C11orf42: variants seen among roughly 807,000 people sequenced by gnomAD.
C11orf42 encodes the protein chromosome 11 open reading frame 42.
A neutral mutation model predicts 27.9 loss-of-function variants in C11orf42; 24 were observed. That is an observed-to-expected ratio of 0.86 (90% confidence interval 0.62 to 1.21). The LOEUF is 1.21. Ranked by LOEUF, C11orf42 falls within the 50% of genes most tolerant of loss-of-function variation. The pLI is 0.00. For synonymous variants in C11orf42, 187 were observed against 180.8 expected, an observed-to-expected ratio of 1.03 and a Z score of -0.28; for missense variants, 455 against 424.1, an observed-to-expected ratio of 1.07 and a Z score of -0.64.
At chr11:6,209,381 GCCC>G (rs955092230) in intron 1 of C11orf42, among the ~76,000 whole-genome samples, 3 of 151,816 alleles carry the variant, frequency 2.0e-5, no homozygotes, top group African/African-American at 7.3e-5. Flanking sequence ...TCCTAAATGT[GCCC>G]CCCTTGATTT....
intron 1 of C11orf42, among the ~76,000 whole-genome samples, chr11:6,207,850 T>C (rs1044039004): frequency 6.6e-6 from 1 of 152,134 alleles, no homozygotes; most frequent in Non-Finnish European, 1.5e-5. Flanking sequence ...AAAAAGCAGA[T>C]CAGCCTTAAG....
Position 6,205,607 on chromosome 11 carries a change from T to C in C11orf42, c.-9T>C. On this transcript the variant is annotated 5_prime_UTR_variant, in exon 1 of 3. Transcript: ENST00000316375. ...CCACTGCCCTGCCCAATCCCTCCCA[T>C]ACCCCACCATGTTGGTGGGTACCCC... 1 of 1,612,078 alleles carries C rather than the reference T, an allele frequency of 6.2e-7. No individual in the cohort carries two copies. The highest frequency in any genetic ancestry group is 8.5e-7 in the Non-Finnish European group (1 of 1,178,462).
In C11orf42 at chr11:6,210,630, G is replaced by A; in HGVS notation, c.853G>A (p.Gly285Arg). The A allele has an allele frequency of 6.2e-7, 1 of 1,614,050 alleles. No homozygotes were observed. Among genetic ancestry groups the A allele is most frequent in the East Asian group, 2.2e-5 (1 of 44,872 alleles). ...CAAGGGCCGAAACCCCTTCTGGAGG[G>A]GGCCCCAGATACTGTCAGGTACTAC... ...SYKGRNPFWR[G>R]PQILSENWLF... The change falls in exon 2 of 3, where the codon GGG becomes AGG. Residue 285 changes from glycine to arginine, a missense_variant. Gly to Arg is a moderately radical substitution (Grantham distance 125, BLOSUM62 -2). Coordinates refer to ENST00000316375, the MANE Select transcript of C11orf42 (RefSeq NM_173525.3). This position sits in a 1 kb window ranked among gnomAD's most constrained non-coding sequence, Gnocchi z 4.0.
intron 1 of C11orf42, 58 bp from the exon 2 acceptor site, chr11:6,209,792 T>C: frequency 6.7e-7 from 1 of 1,497,490 alleles, no homozygotes; most frequent in South Asian, 1.3e-5. Context: ...CAATTTAAAG[T>C]AGGCAACCAG....
Position 6,210,697 on chromosome 11 carries a change from A to AG in C11orf42, c.871+51dup. ...GAGATGGATGGGAGGGACAAAGTGA[A>AG]GGAGGGAGAAGGCATGAGAATTAAG... On this transcript the variant is annotated intron_variant, in intron 2 of 2. Transcript: ENST00000316375. The surrounding 1 kb of genome is among the most constrained non-coding windows in gnomAD (Gnocchi z 4.0). The AG allele has an allele frequency of 2.5e-6, 4 of 1,571,772 alleles. No homozygotes were observed. The highest frequency in any genetic ancestry group is 3.5e-6 in the Non-Finnish European group (4 of 1,149,688).
At position 6,209,894 on chromosome 11, in the gene C11orf42, C is replaced by T. The variant is rs749194771; in HGVS notation, c.117C>T (p.Phe39=). Residue 39 remains phenylalanine (F), a synonymous_variant, in exon 2 of 3, where the codon TTC becomes TTT. Transcript: ENST00000316375. ...GGCCCAATGCAGTAGCAGTACCTTT[C>T]CTGTCAGATGCAGCCTGCTATGACC... ...HFGPNAVAVP[F]LSDAACYDLL... 12 of 1,599,746 alleles carry T rather than the reference C, an allele frequency of 7.5e-6. No individual in the cohort carries two copies. The highest frequency in any genetic ancestry group is 1.7e-4 in the Middle Eastern group (1 of 6,032).
Position 6,211,095 on chromosome 11 carries a change from A to G in C11orf42, c.*53A>G, listed in dbSNP as rs1847061039. The G allele has an allele frequency of 2.5e-6, 4 of 1,592,886 alleles. No homozygotes were observed. In the East Asian group the frequency reaches 9.0e-5, roughly 36 times the overall value. ...AGCCCCCAAGATCTGGCATAGGGGT[A>G]CTGGTCTCTAATAAACATCAGCTGC... On this transcript the variant is annotated 3_prime_UTR_variant, in exon 3 of 3. Transcript: ENST00000316375.
At chr11:6,206,305 GA>G (rs1364861800) in intron 1 of C11orf42, among the ~76,000 whole-genome samples, 1 of 152,140 alleles carries the variant, frequency 6.6e-6, no homozygotes, top group East Asian at 1.9e-4. Flanking sequence ...AACTTTATCT[GA>G]AACTCTTTCA....
rs1847050671 is a variant in C11orf42 at position 6,210,840 on chromosome 11, G to A, written c.872-72G>A. On this transcript the variant is annotated intron_variant, in intron 2 of 2. Coordinates refer to ENST00000316375, the MANE Select transcript of C11orf42 (RefSeq NM_173525.3). The surrounding 1 kb of genome is among the most constrained non-coding windows in gnomAD (Gnocchi z 4.0). ...GGAAGGGGATTGGGATGGCACAGAG[G>A]ACCAGAGGGAAAAGCTAGGGGGGGA... The A allele has an allele frequency of 2.0e-6, 3 of 1,493,002 alleles. No individual in the cohort carries two copies. The highest frequency in any genetic ancestry group is 1.8e-6 in the Non-Finnish European group (2 of 1,119,184). 92.5% of individuals were successfully genotyped at this position (1,493,002 alleles called of 1,614,324 possible).
chr11:6,208,470 T>A (rs1418722963), intron 1 of C11orf42, among the ~76,000 whole-genome samples: 1 of 152,188 alleles, frequency 6.6e-6, no homozygotes, highest in Non-Finnish European at 1.5e-5. Flanking sequence ...TTCTTGAGAC[T>A]CTGTGGAGTG....
Position 6,210,993 on chromosome 11 carries a change from C to T in C11orf42, c.953C>T (p.Ser318Phe), listed in dbSNP as rs1590597868. Reference sequence around the variant, plus strand: ...AGGGACCCCGACGGGCACTCCATGTCCCTGCCCCTGCTGCAGGGTCTATCC... The same window carrying T: ...AGGGACCCCGACGGGCACTCCATGTTCCTGCCCCTGCTGCAGGGTCTATCC... ...GPRDPDGHSM[S>F]LPLLQGLSSE... Residue 318 changes from serine to phenylalanine, a missense_variant, in exon 3 of 3, where the codon TCC (serine) becomes TTC (phenylalanine). By Grantham distance (155) the Ser-to-Phe change is radical. Transcript: ENST00000316375. The surrounding 1 kb of genome is among the most constrained non-coding windows in gnomAD (Gnocchi z 4.0). 1 of 1,609,346 alleles carries T rather than the reference C, an allele frequency of 6.2e-7. No homozygotes were observed. The highest frequency in any genetic ancestry group is 1.1e-5 in the South Asian group (1 of 90,522).
At chr11:6,207,034 T>C (rs898862166) in intron 1 of C11orf42, among the ~76,000 whole-genome samples, 5 of 152,132 alleles carry the variant, frequency 3.3e-5, no homozygotes, top group Admixed American at 3.3e-4. Context: ...CATTCAGAAT[T>C]TGAAGCAACC....
intron 1 of C11orf42, among the ~76,000 whole-genome samples, chr11:6,208,935 G>T (rs1847009417): frequency 6.6e-6 from 1 of 152,028 alleles, no homozygotes; most frequent in African/African-American, 2.4e-5. Flanking sequence ...AACACTTTGG[G>T]AGGCTGAGGC....
intron 1 of C11orf42, among the ~76,000 whole-genome samples, chr11:6,209,507 C>T (rs1383243681): frequency 6.6e-6 from 1 of 152,194 alleles, no homozygotes; most frequent in Non-Finnish European, 1.5e-5. Context: ...GATCCTCTTT[C>T]CATGAAAGGT....
At position 6,210,167 on chromosome 11, in the gene C11orf42, G is replaced by A. The variant is rs765334023; in HGVS notation, c.390G>A (p.Leu130=). Residue 130 remains leucine (L), a synonymous_variant, in exon 2 of 3, where the codon CTG becomes CTA. Transcript: ENST00000316375. This position sits in a 1 kb window ranked among gnomAD's most constrained non-coding sequence, Gnocchi z 4.0. ...AGATCCGCCTACATATGGGTGACCT[G>A]CGCAAGAAGGTTGCCTTCCTGTTGC... is the stretch of plus-strand genomic sequence containing the variant. ...PCKIRLHMGD[L]RKKVAFLLLP... 1.1e-5 allele frequency: 17 copies of A among 1,614,220 alleles called. No homozygotes were observed. Among genetic ancestry groups the A allele is most frequent in the Non-Finnish European group, 1.4e-5 (17 of 1,180,036 alleles).
chr11:6,209,415 C>T (rs534841416), intron 1 of C11orf42, among the ~76,000 whole-genome samples: 1 of 152,116 alleles, frequency 6.6e-6, no homozygotes, highest in Non-Finnish European at 1.5e-5. Flanking sequence ...GTTTTTTCAC[C>T]GACTCTTATG....
Position 6,211,129 on chromosome 11 carries a change from C to T in C11orf42, c.*87C>T. The T allele has an allele frequency of 6.5e-7, 1 of 1,545,088 alleles. No individual in the cohort carries two copies. The highest frequency in any genetic ancestry group is 8.8e-7 in the Non-Finnish European group (1 of 1,141,902). On this transcript the variant is annotated 3_prime_UTR_variant, in exon 3 of 3. Transcript: ENST00000316375. ...TAATAAACATCAGCTGCTGCTCCCC[C>T]AAACCATCCTGGGCCCATGCTGCTT...
Position 6,210,958 on chromosome 11 carries a change from T to TG in C11orf42, c.923dup (p.Arg310GlnfsTer23). 6.2e-7 allele frequency: 1 copy of TG among 1,608,126 alleles called. No individual in the cohort carries two copies. The highest frequency in any genetic ancestry group is 8.5e-7 in the Non-Finnish European group (1 of 1,178,074). On this transcript the variant is annotated frameshift_variant, in exon 3 of 3. Coordinates refer to ENST00000316375, the MANE Select transcript of C11orf42 (RefSeq NM_173525.3). LOFTEE classifies it high-confidence loss of function. The surrounding 1 kb of genome is among the most constrained non-coding windows in gnomAD (Gnocchi z 4.0). ...GCAGCCCTCCACCAGGAGCCCAGGG[T>TG]GGGGGCCCCAGGGACCCCGACGGGC... is the stretch of plus-strand genomic sequence containing the variant.
chr11:6,207,309 C>T (rs948634146), intron 1 of C11orf42, among the ~76,000 whole-genome samples: 3 of 152,240 alleles, frequency 2.0e-5, no homozygotes, highest in South Asian at 2.1e-4. Context: ...TGCCTGTCAG[C>T]ATATAGGAAG....
Sources: gnomAD v4.1 joint callset for allele counts (sites outside exome capture counted in the v4.1 genomes callset) on GRCh38, gnomAD v4.1.1 for gene constraint, Gnocchi (gnomAD v3.1) non-coding constraint, MANE v1.5 for transcripts, NCBI Gene and HGNC (gene_info 2026-07-23, HGNC 2026-07-21) for gene names.